Variants in DLG2 observed in about 807,000 individuals in gnomAD.
DLG2 encodes the protein discs large MAGUK scaffold protein 2, also known as disks large homolog 2.
Under a neutral mutation model 132.5 loss-of-function variants are expected in DLG2, and 45 were observed. The ratio of observed to expected loss-of-function variants is 0.34; its 90% CI spans 0.27 to 0.44. DLG2 has a LOEUF of 0.44. Ranked by LOEUF, DLG2 falls within the 20% of genes least tolerant of loss-of-function variation. The pLI, the probability that DLG2 is intolerant of heterozygous loss-of-function variation, is 1.00. For synonymous variants in DLG2, 424 were observed against 419.6 expected (o/e 1.01, Z -0.13); for missense variants, 1,045 against 1,196.9 (o/e 0.87, Z 1.87).
At chr11:85,600,416 G>A (rs2080073006) in intron 2 of DLG2, among the ~76,000 whole-genome samples, 1 of 152,102 alleles carries the variant, frequency 6.6e-6, no homozygotes, top group African/African-American at 2.4e-5. Flanking sequence ...CAGGTGTGCT[G>A]GTAAATACTT....
At chr11:84,864,703 A>C (rs2154031849) in intron 6 of DLG2, among the ~76,000 whole-genome samples, 1 of 152,320 alleles carries the variant, frequency 6.6e-6, no homozygotes. Flanking sequence ...TTACAGAGCA[A>C]CATGGCAGTG....
chr11:84,647,611 A>G (rs1030336231), intron 6 of DLG2, among the ~76,000 whole-genome samples: 2 of 152,214 alleles, frequency 1.3e-5, no homozygotes, highest in African/African-American at 2.4e-5. Context: ...AAACACCTAT[A>G]GATAGTCAGG....
intron 18 of DLG2, among the ~76,000 whole-genome samples, chr11:83,658,587 A>G (rs1308552682): frequency 2.0e-5 from 3 of 152,250 alleles, no homozygotes; most frequent in Non-Finnish European, 2.9e-5. Flanking sequence ...GCTTGAAACA[A>G]TAAGTGCTTT....
intron 6 of DLG2, among the ~76,000 whole-genome samples, chr11:85,001,574 A>G (rs1052951461): frequency 1.3e-5 from 2 of 152,160 alleles, no homozygotes; most frequent in African/African-American, 4.8e-5. Context: ...CTTAAGCCTG[A>G]TTGACAATTA....
At chr11:85,175,273 C>T (rs2079151196) in intron 4 of DLG2, among the ~76,000 whole-genome samples, 1 of 152,052 alleles carries the variant, frequency 6.6e-6, no homozygotes, top group African/African-American at 2.4e-5. Context: ...CTACCATGAC[C>T]CGACAGTTGG....
At chr11:85,175,084 TGAAAG>T (rs2079131593) in intron 4 of DLG2, among the ~76,000 whole-genome samples, 1 of 151,802 alleles carries the variant, frequency 6.6e-6, no homozygotes, top group African/African-American at 2.4e-5. Context: ...TCCAAACAAA[TGAAAG>T]GAAAGACTCC....
intron 6 of DLG2, among the ~76,000 whole-genome samples, chr11:84,705,075 A>G (rs1414410120): frequency 6.6e-6 from 1 of 151,680 alleles, no homozygotes; most frequent in Non-Finnish European, 1.5e-5. Context: ...AACAGTCTTT[A>G]GCAGTTCTGC....
chr11:84,680,825 G>A (rs976071293), intron 6 of DLG2, among the ~76,000 whole-genome samples: 8 of 152,160 alleles, frequency 5.3e-5, no homozygotes, highest in African/African-American at 1.9e-4. Flanking sequence ...TCTTCTAGCA[G>A]TTTTATACAT....
At chr11:83,615,723 G>A (rs545152641) in intron 19 of DLG2, among the ~76,000 whole-genome samples, 5 of 152,288 alleles carry the variant, frequency 3.3e-5, no homozygotes, top group African/African-American at 9.6e-5. Flanking sequence ...AGGGGGCCAC[G>A]AGCCATGGAA....
intron 6 of DLG2, among the ~76,000 whole-genome samples, chr11:84,593,987 A>G (rs1261548428): frequency 6.6e-6 from 1 of 152,130 alleles, no homozygotes; most frequent in Admixed American, 6.6e-5. Flanking sequence ...CCCATCTAAC[A>G]CCTATTAATT....
intron 21 of DLG2, among the ~76,000 whole-genome samples, chr11:83,515,954 C>G (rs1013114283): frequency 3.3e-5 from 5 of 152,114 alleles, no homozygotes; most frequent in African/African-American, 9.7e-5. Context: ...ACTGTGTGGT[C>G]AATTTTGGAA....
intron 17 of DLG2, among the ~76,000 whole-genome samples, chr11:83,795,950 T>C (rs1443118696): frequency 6.6e-6 from 1 of 152,176 alleles, no homozygotes; most frequent in African/African-American, 2.4e-5. Context: ...ATTTTCCATA[T>C]CTAGAACATA....
chr11:85,532,065 T>C (rs1598320914), intron 3 of DLG2, among the ~76,000 whole-genome samples: 5 of 152,240 alleles, frequency 3.3e-5, no homozygotes, highest in Admixed American at 3.3e-4. Flanking sequence ...GTTTAATACA[T>C]TTAGGTATAG....
chr11:83,937,334 A>C (rs546346914), intron 14 of DLG2, among the ~76,000 whole-genome samples: 109 of 151,842 alleles, frequency 7.2e-4, no homozygotes, highest in African/African-American at 2.5e-3. Context: ...GGTGAAACCC[A>C]GTCTCTACTA....
rs549403781 is a variant in DLG2, at chr11:85,546,843, T to G, written c.40+51814A>C. 5.7e-3 allele frequency among the ~76,000 whole-genome samples: 825 copies of G among 145,396 alleles called. 10 individuals carry two copies. Among genetic ancestry groups the G allele is most frequent in the African/African-American group, 0.02 (799 of 39,076 alleles). ...CTTTTTTTTTTTTTTTTTTTTTTGCTTTCCATTTGCTTGGTAAATATTTCT... is the reference window on the plus strand; with the variant it reads ...CTTTTTTTTTTTTTTTTTTTTTTGCGTTCCATTTGCTTGGTAAATATTTCT... On this transcript the variant is annotated intron_variant, in intron 3 of 27. Transcript: ENST00000376104.
At chr11:85,412,665 A>T (rs1181767107) in intron 3 of DLG2, among the ~76,000 whole-genome samples, 1 of 148,134 alleles carries the variant, frequency 6.8e-6, no homozygotes, top group Admixed American at 6.9e-5. Context: ...ATAGTCTCCA[A>T]TCTCATCCCA....
chr11:85,483,459 C>G (rs1264015732), intron 3 of DLG2, among the ~76,000 whole-genome samples: 1 of 152,138 alleles, frequency 6.6e-6, no homozygotes, highest in Non-Finnish European at 1.5e-5. Flanking sequence ...ACAGCCCTAT[C>G]TTACAAGAGA....
intron 6 of DLG2, among the ~76,000 whole-genome samples, chr11:85,031,947 CTTTTTTTTTT>C (rs11389028): frequency 9.3e-4 from 48 of 51,846 alleles, no homozygotes; most frequent in Non-Finnish European, 1.5e-3. Context: ...TGACAACTGG[CTTTTTTTTTT>C]TTTTTTTTTT....
chr11:84,273,306 GAAAAAAA>G (rs752762450), intron 7 of DLG2: 56 of 791,040 alleles, frequency 7.1e-5, no homozygotes, highest in East Asian at 2.8e-4. Context: ...AGTTGAAGAG[GAAAAAAA>G]AAAAAAAAAA....
Sources: gnomAD v4.1 joint callset for allele counts (sites outside exome capture counted in the v4.1 genomes callset) on GRCh38, gnomAD v4.1.1 for gene constraint, MANE v1.5 for transcripts, NCBI Gene and HGNC (gene_info 2026-07-23, HGNC 2026-07-21) for gene names.